Variants in NTN1 observed in about 807,000 individuals in gnomAD.
NTN1 encodes the protein netrin 1, also known as netrin-1.
Under a neutral mutation model 54.2 loss-of-function variants are expected in NTN1, and 11 were observed. That is an observed-to-expected ratio of 0.20 (90% CI 0.13 to 0.34). The LOEUF (loss-of-function observed/expected upper bound fraction) is 0.34, where lower values mean the gene tolerates loss of function less well. NTN1 is among the 10% of genes least tolerant of loss of function. NTN1 has a pLI of 1.00. For synonymous variants in NTN1, 371 were observed against 382.0 expected, an observed-to-expected ratio of 0.97 and a Z score of 0.33; for missense variants, 740 against 893.1, an observed-to-expected ratio of 0.83 and a Z score of 2.18.
chr17:9,235,382 G>A (rs1411115572), intron 6 of NTN1, among the ~76,000 whole-genome samples: 1 of 152,064 alleles, frequency 6.6e-6, no homozygotes, highest in Non-Finnish European at 1.5e-5. Flanking sequence ...GGGATCCTCA[G>A]CAGAGCCCCC....
At chr17:9,150,238 A>T (rs1293311126) in intron 2 of NTN1, among the ~76,000 whole-genome samples, 1 of 152,148 alleles carries the variant, frequency 6.6e-6, no homozygotes, top group Non-Finnish European at 1.5e-5. Context: ...GGAAGGAAGG[A>T]GCAAGACCTC....
At chr17:9,098,677 C>T (rs2092139926) in intron 2 of NTN1, among the ~76,000 whole-genome samples, 1 of 152,100 alleles carries the variant, frequency 6.6e-6, no homozygotes, top group Non-Finnish European at 1.5e-5. Flanking sequence ...AAACAAGCAC[C>T]CCCAGTAGCT....
upstream of NTN1, among the ~76,000 whole-genome samples, chr17:9,019,660 A>G (rs921173143): frequency 6.6e-6 from 1 of 152,236 alleles, no homozygotes; most frequent in Non-Finnish European, 1.5e-5. Context: ...GATGGAGGAA[A>G]CCAAGGCATA....
At chr17:9,007,206 T>G in the NTN1 span, among the ~76,000 whole-genome samples, 10 of 151,462 alleles carry the variant, frequency 6.6e-5, no homozygotes, top group Non-Finnish European at 1.5e-4. Flanking sequence ...TTCCTTCCTT[T>G]TTCTTCCTTT....
At chr17:9,197,254 C>T (rs565759354) in intron 5 of NTN1, among the ~76,000 whole-genome samples, 13 of 152,194 alleles carry the variant, frequency 8.5e-5, no homozygotes, top group African/African-American at 1.2e-4. Context: ...ATGGCAGAAC[C>T]GGTATTTCCA....
chr17:9,237,263 C>T (rs537300673), intron 6 of NTN1, among the ~76,000 whole-genome samples: 63 of 152,312 alleles, frequency 4.1e-4, no homozygotes, highest in African/African-American at 1.5e-3. Flanking sequence ...TAGATGGCCA[C>T]CTTCTCGTGT....
chr17:9,012,536 C>CA, the NTN1 span, among the ~76,000 whole-genome samples: 40,380 of 132,522 alleles, frequency 0.3, 6,008 homozygotes, highest in African/African-American at 0.41. Flanking sequence ...AAAAACAAAA[C>CA]AAAAAAAAAA....
At chr17:9,076,702 C>T (rs907218640) in intron 2 of NTN1, among the ~76,000 whole-genome samples, 1 of 152,368 alleles carries the variant, frequency 6.6e-6, no homozygotes, top group South Asian at 2.1e-4. Flanking sequence ...GATTAGCTCA[C>T]AGTTTCTCAG....
In NTN1 at chr17:9,222,696, C is replaced by T. The variant is rs563419932; in HGVS notation, c.1486+1454C>T. ...CTGAGCTCCGTCCCTTCCCTGACCC[C>T]GTGGGGGTCCGGCAGCCCTACCCTG... On this transcript the variant is annotated intron_variant, in intron 6 of 6. Transcript: ENST00000173229. 7.2e-5 allele frequency among the ~76,000 whole-genome samples: 11 copies of T among 152,236 alleles called. No individual in the cohort carries two copies. In the East Asian group the frequency reaches 1.2e-3, roughly 16 times the overall value.
At chr17:9,018,346 C>T (rs2091835825), upstream of NTN1, among the ~76,000 whole-genome samples, 1 of 152,096 alleles carries the variant, frequency 6.6e-6, no homozygotes, top group African/African-American at 2.4e-5. Context: ...GCTCTGTGGA[C>T]ATAGGCTGGG....
At chr17:9,038,265 C>CACACACACACACA (rs55982115) in intron 2 of NTN1, among the ~76,000 whole-genome samples, 35,207 of 144,094 alleles carry the variant, frequency 0.24, 5,236 homozygotes, top group East Asian at 0.54. Flanking sequence ...TTCTCTCTCT[C>CACACACACACACA]CACACACACA....
At chr17:9,083,718 T>C (rs958845826) in intron 2 of NTN1, among the ~76,000 whole-genome samples, 3 of 152,166 alleles carry the variant, frequency 2.0e-5, no homozygotes, top group Non-Finnish European at 4.4e-5. Flanking sequence ...CACGAAGGCA[T>C]AGAGGACATA....
At chr17:9,238,496 C>T (rs537243407) in intron 6 of NTN1, among the ~76,000 whole-genome samples, 2 of 152,236 alleles carry the variant, frequency 1.3e-5, no homozygotes, top group Non-Finnish European at 2.9e-5. Flanking sequence ...CCAGGTACCC[C>T]CTGGTCTGGG....
intron 2 of NTN1, among the ~76,000 whole-genome samples, chr17:9,078,742 C>T (rs576683091): frequency 4.9e-4 from 74 of 152,286 alleles, no homozygotes; most frequent in Non-Finnish European, 7.3e-4. Context: ...CCTGGAATGT[C>T]CCCAAGGAAA....
chr17:9,102,668 G>A (rs1453420253), intron 2 of NTN1, among the ~76,000 whole-genome samples: 1 of 152,202 alleles, frequency 6.6e-6, no homozygotes, highest in African/African-American at 2.4e-5. Context: ...AGAGACATGT[G>A]TTAGGATGTT....
chr17:9,161,809 G>A (rs2142298006), intron 2 of NTN1, among the ~76,000 whole-genome samples: 1 of 152,262 alleles, frequency 6.6e-6, no homozygotes, highest in South Asian at 2.1e-4. Context: ...AAGAAATTGT[G>A]CTTCTGCTGA....
chr17:9,165,307 A>C lies in NTN1; in HGVS notation c.1207+2306A>C, dbSNP rs190931087. Among the ~76,000 whole-genome samples, 63 of 152,142 alleles carry C rather than the reference A, an allele frequency of 4.1e-4. No homozygotes were observed. Among genetic ancestry groups the C allele is most frequent in the East Asian group, 1.9e-3 (10 of 5,182 alleles). On this transcript the variant is annotated intron_variant, in intron 3 of 6. Coordinates refer to ENST00000173229, the MANE Select transcript of NTN1 (RefSeq NM_004822.3). The surrounding 1 kb of genome is among the most constrained non-coding windows in gnomAD (Gnocchi z 4.5). ...CAAGAGCCATTTGCAGCCTCTCACC[A>C]CTCAGAGTGAGAGACGTCAGGAAGC...
the NTN1 span, among the ~76,000 whole-genome samples, chr17:9,011,471 T>A: frequency 6.6e-6 from 1 of 152,236 alleles, no homozygotes; most frequent in Admixed American, 6.5e-5. Flanking sequence ...TTAGAGTCCA[T>A]CCCGATATGC....
chr17:9,140,223 C>T (rs1363358647), intron 2 of NTN1, among the ~76,000 whole-genome samples: 1 of 152,034 alleles, frequency 6.6e-6, no homozygotes, highest in Non-Finnish European at 1.5e-5. Flanking sequence ...GCTGTGTGTG[C>T]TCTGGGCCAC....
Sources: gnomAD v4.1 joint callset for allele counts (sites outside exome capture counted in the v4.1 genomes callset) on GRCh38, gnomAD v4.1.1 for gene constraint, Gnocchi (gnomAD v3.1) non-coding constraint, MANE v1.5 for transcripts, NCBI Gene and HGNC (gene_info 2026-07-23, HGNC 2026-07-21) for gene names.